The following IL1RAPL1 variants were observed in gnomAD, a reference collection of about 807,000 sequenced individuals.
The protein encoded by IL1RAPL1 is interleukin-1 receptor accessory protein-like 1.
A neutral mutation model predicts 48.4 loss-of-function variants in IL1RAPL1; 3 were observed. That is an observed-to-expected ratio of 0.06 (90% CI 0.03 to 0.16). IL1RAPL1 has a LOEUF of 0.16. Ranked by LOEUF, IL1RAPL1 falls within the 10% of genes least tolerant of loss-of-function variation. IL1RAPL1 has a pLI of 1.00. For synonymous variants in IL1RAPL1, 185 were observed against 187.7 expected, an observed-to-expected ratio of 0.99 and a Z score of 0.12; for missense variants, 349 against 530.6, an observed-to-expected ratio of 0.66 and a Z score of 3.36.
intron 2 of IL1RAPL1, among the ~76,000 whole-genome samples, chrX:29,271,021 A>T (rs1395958232): frequency 2.7e-5 from 3 of 110,911 alleles, no homozygotes; most frequent in Non-Finnish European, 5.7e-5. Context: ...CCCACCCTCC[A>T]CCCTCAAGTA....
chrX:29,704,022 A>G (rs755578779), intron 6 of IL1RAPL1, among the ~76,000 whole-genome samples: 140 of 111,512 alleles, frequency 1.3e-3, no homozygotes, highest in African/African-American at 4.5e-3. Flanking sequence ...TCCTAGGCTC[A>G]AGCGATCCTC....
chrX:28,596,433 C>T (rs1933956690), intron 1 of IL1RAPL1, among the ~76,000 whole-genome samples: 1 of 107,998 alleles, frequency 9.3e-6, no homozygotes, highest in Non-Finnish European at 1.9e-5. Flanking sequence ...AGTGCCTTCA[C>T]TGTTCAAGGG....
At chrX:28,961,047 T>G (rs1459182112) in intron 2 of IL1RAPL1, among the ~76,000 whole-genome samples, 1 of 58,869 alleles carries the variant, frequency 1.7e-5, no homozygotes, top group African/African-American at 6.8e-5. Context: ...GTGTGGGTAA[T>G]AAGAGGAAAT....
intron 3 of IL1RAPL1, among the ~76,000 whole-genome samples, chrX:29,324,882 T>C (rs1487327056): frequency 1.8e-5 from 2 of 111,943 alleles, no homozygotes; most frequent in African/African-American, 6.5e-5. Context: ...AATGATACTT[T>C]AGATTTGTGA....
At position 28,992,497 on chromosome X, in the gene IL1RAPL1, AAAAAG is replaced by A. The variant is rs1296347422; in HGVS notation, c.82+203077_82+203081del. On this transcript the variant is annotated intron_variant, in intron 2 of 10. Transcript: ENST00000378993. The stretch of plus-strand genomic sequence containing the variant: ...AGAACGAGACTCTGTCTCAAAAAAA[AAAAAG>A]AAAAAAAAAAAAAAAGAAGAAAAAA... Among the ~76,000 whole-genome samples, 196 of 107,856 alleles carry A rather than the reference AAAAAG, an allele frequency of 1.8e-3. 1 individual carries two copies. Among genetic ancestry groups the A allele is most frequent in the African/African-American group, 6.3e-3 (184 of 29,246 alleles). 93.7% of individuals were successfully genotyped at this position (107,856 alleles called of 115,157 possible).
At chrX:29,582,371 TTTTTTA>T (rs1423758513) in intron 5 of IL1RAPL1, among the ~76,000 whole-genome samples, 5 of 106,497 alleles carry the variant, frequency 4.7e-5, no homozygotes, top group East Asian at 2.9e-4. Context: ...ATTTTTTTAT[TTTTTTA>T]TTTTTATTTT....
At chrX:29,620,788 A>T (rs1484043070) in intron 5 of IL1RAPL1, among the ~76,000 whole-genome samples, 1 of 112,159 alleles carries the variant, frequency 8.9e-6, no homozygotes, top group Non-Finnish European at 1.9e-5. Flanking sequence ...TACTCATTCC[A>T]TATGAGTAGA....
chrX:29,933,548 T>G (rs1195418469), intron 8 of IL1RAPL1, among the ~76,000 whole-genome samples: 4 of 108,532 alleles, frequency 3.7e-5, no homozygotes, highest in African/African-American at 1.3e-4. Flanking sequence ...CAAAATTGGG[T>G]TTGTTCTTAA....
intron 6 of IL1RAPL1, among the ~76,000 whole-genome samples, chrX:29,730,056 G>A (rs866957319): frequency 8.9e-6 from 1 of 112,095 alleles, no homozygotes. Flanking sequence ...CTGTTCAGAA[G>A]GAGAGTTGTT....
chrX:29,460,102 G>A (rs753132181), intron 5 of IL1RAPL1, among the ~76,000 whole-genome samples: 2 of 111,893 alleles, frequency 1.8e-5, no homozygotes, highest in South Asian at 7.5e-4. Context: ...AACGGAGCCT[G>A]CCTAGTTCCT....
chrX:29,525,086 T>C (rs1243753540), intron 5 of IL1RAPL1, among the ~76,000 whole-genome samples: 1 of 112,352 alleles, frequency 8.9e-6, no homozygotes, highest in African/African-American at 3.2e-5. Flanking sequence ...TTCAAATAAG[T>C]CATACTTTTT....
At chrX:29,120,828 G>A (rs185296128) in intron 2 of IL1RAPL1, among the ~76,000 whole-genome samples, 18 of 111,150 alleles carry the variant, frequency 1.6e-4, no homozygotes, top group African/African-American at 4.2e-4. Flanking sequence ...GAACATAGAC[G>A]CAAAAATCCT....
At chrX:29,368,580 CTT>C (rs1933499203) in intron 3 of IL1RAPL1, among the ~76,000 whole-genome samples, 1 of 99,682 alleles carries the variant, frequency 1.0e-5, no homozygotes, top group African/African-American at 3.8e-5. Context: ...GTTTGTTTTT[CTT>C]TTTCTTTCTT....
At chrX:28,596,392 C>G (rs369817150) in intron 1 of IL1RAPL1, among the ~76,000 whole-genome samples, 1 of 109,022 alleles carries the variant, frequency 9.2e-6, no homozygotes, top group East Asian at 2.9e-4. Context: ...CCTTTCCTCC[C>G]CCTTCCTTCC....
intron 1 of IL1RAPL1, among the ~76,000 whole-genome samples, chrX:28,727,209 T>C (rs1231357508): frequency 9.1e-6 from 1 of 110,426 alleles, no homozygotes; most frequent in East Asian, 2.8e-4. Flanking sequence ...TTTTATTTCA[T>C]TGAGCAGTGG....
intron 2 of IL1RAPL1, among the ~76,000 whole-genome samples, chrX:29,240,213 TATATATA>T (rs1931387238): frequency 3.9e-5 from 2 of 51,681 alleles, no homozygotes; most frequent in East Asian, 1.8e-3. Flanking sequence ...TATATATATA[TATATATA>T]TATATTTTTT....
At chrX:29,045,993 C>T (rs1926960757) in intron 2 of IL1RAPL1, among the ~76,000 whole-genome samples, 1 of 88,397 alleles carries the variant, frequency 1.1e-5, no homozygotes, top group South Asian at 6.8e-4. Context: ...CCTCCTCCTC[C>T]TCCTTCTTCT....
chrX:29,028,642 G>A (rs1326342452), intron 2 of IL1RAPL1, among the ~76,000 whole-genome samples: 2 of 111,030 alleles, frequency 1.8e-5, no homozygotes, highest in Non-Finnish European at 3.8e-5. Flanking sequence ...GAGTGAGATC[G>A]TTGGCATATT....
chrX:29,710,591 C>T (rs1341761032), intron 6 of IL1RAPL1, among the ~76,000 whole-genome samples: 1 of 103,974 alleles, frequency 9.6e-6, no homozygotes, highest in Non-Finnish European at 2.0e-5. Flanking sequence ...TACACACATA[C>T]ATATATGTGT....
Sources: allele counts gnomAD v4.1 joint callset (sites outside exome capture counted in the v4.1 genomes callset), GRCh38; gene constraint gnomAD v4.1.1; transcripts MANE v1.5; gene names NCBI Gene and HGNC (gene_info 2026-07-23, HGNC 2026-07-21).